The following SETD5 variants were observed in gnomAD, a reference collection of about 807,000 sequenced individuals.
The protein encoded by SETD5 is histone-lysine N-methyltransferase SETD5.
SETD5 carries 44 observed loss-of-function variants against 153.3 expected under a neutral mutation model. The observed-to-expected ratio is 0.29, with a 90% CI of 0.23 to 0.37. The LOEUF is 0.37. SETD5 is among the 10% of genes least tolerant of loss of function. SETD5 has a pLI of 1.00. For missense variants in SETD5, 1,544 were observed against 1,768.0 expected, an observed-to-expected ratio of 0.87 and a Z score of 2.27; for synonymous variants, 716 against 645.2, an observed-to-expected ratio of 1.11 and a Z score of -1.66.
At chr3:9,419,132 A>T (rs1186185411) in intron 1 of SETD5, among the ~76,000 whole-genome samples, 4 of 152,176 alleles carry the variant, frequency 2.6e-5, no homozygotes, top group Non-Finnish European at 5.9e-5. Flanking sequence ...CGGCCCACTT[A>T]CAGGATTTTT....
intron 2 of SETD5, among the ~76,000 whole-genome samples, chr3:9,424,968 G>T (rs548076176): frequency 6.7e-6 from 1 of 149,754 alleles, no homozygotes; most frequent in East Asian, 2.0e-4. Flanking sequence ...GCTTTCATCA[G>T]AAGAATGAAA....
chr3:9,456,504 T>G (rs931599937), intron 17 of SETD5, among the ~76,000 whole-genome samples: 1 of 150,492 alleles, frequency 6.6e-6, no homozygotes, highest in African/African-American at 2.5e-5. Context: ...AAAACAAGTC[T>G]CTGAGCCTCA....
intron 20 of SETD5, among the ~76,000 whole-genome samples, chr3:9,473,868 C>A (rs954183925): frequency 3.3e-5 from 5 of 152,192 alleles, no homozygotes; most frequent in Non-Finnish European, 7.3e-5. Flanking sequence ...AAGAATCCAG[C>A]CAAGTTCCAC....
At chr3:9,457,493 T>A (rs561276285) in intron 17 of SETD5, among the ~76,000 whole-genome samples, 93 of 150,890 alleles carry the variant, frequency 6.2e-4, no homozygotes, top group South Asian at 3.7e-3. Flanking sequence ...TCTCAAAAAA[T>A]ATATATATAT....
chr3:9,471,023 A>G lies in SETD5; in HGVS notation c.3195+94A>G, dbSNP rs184732302. ...AAGTTTCTGCTATGTGTTCCGCACT[A>G]CTCTCAGACAAGTGAGACATAGTCT... On this transcript the variant is annotated intron_variant, in intron 19 of 22. Transcript: ENST00000402198. 424 of 663,056 alleles carry G rather than the reference A, an allele frequency of 6.4e-4. 7 individuals are homozygous for G. The African/African-American group carries it at 6.9e-3, about 11-fold the overall frequency. 41.1% of individuals were successfully genotyped at this position (663,056 alleles called of 1,614,324 possible).
chr3:9,455,993 G>T (rs979847176), intron 17 of SETD5, among the ~76,000 whole-genome samples: 1 of 151,932 alleles, frequency 6.6e-6, no homozygotes, highest in Non-Finnish European at 1.5e-5. Flanking sequence ...AGTCAAATGC[G>T]CAAGTTATAT....
intron 16 of SETD5, among the ~76,000 whole-genome samples, chr3:9,450,512 G>A (rs1288725265): frequency 1.3e-5 from 2 of 152,166 alleles, no homozygotes; most frequent in Non-Finnish European, 2.9e-5. Flanking sequence ...GAAATGGAAT[G>A]TTTTAGCTAG....
intron 13 of SETD5, 36 bp downstream of exon 13, chr3:9,445,776 T>G: frequency 6.8e-7 from 1 of 1,472,640 alleles, no homozygotes; most frequent in Non-Finnish European, 9.3e-7. Context: ...CTCCTTCTCA[T>G]TCCTGCTACC....
At chr3:9,398,399 G>A (rs2034097753) in intron 1 of SETD5, 1 of 151,624 alleles carries the variant, frequency 6.6e-6, no homozygotes, top group African/African-American at 2.4e-5. Flanking sequence ...CGTTCTCGCG[G>A]CCTTGTGACA....
chr3:9,467,211 A>T (rs1276418988), intron 18 of SETD5, among the ~76,000 whole-genome samples: 2 of 151,178 alleles, frequency 1.3e-5, no homozygotes, highest in Non-Finnish European at 3.0e-5. Flanking sequence ...AAAAAAAAAA[A>T]AAAAAAAAAA....
intron 17 of SETD5, among the ~76,000 whole-genome samples, chr3:9,456,344 C>G (rs11918316): frequency 6.6e-6 from 1 of 151,928 alleles, no homozygotes; most frequent in East Asian, 2.0e-4. Context: ...GGCCTGGTCA[C>G]GTACCTGTAA....
rs189142421 is a variant in SETD5, at chr3:9,445,460, A to G, written c.1440+160A>G. On this transcript the variant is annotated intron_variant, in intron 12 of 22. Coordinates refer to ENST00000402198, the MANE Select transcript of SETD5 (RefSeq NM_001080517.3). Reference sequence around the variant, plus strand: ...GTTCATACATTTCTTTCTGTTTTACAAAGTCAAAAACATCCTTTGCTGGTT... The same window carrying G: ...GTTCATACATTTCTTTCTGTTTTACGAAGTCAAAAACATCCTTTGCTGGTT... 2,910 of 975,822 alleles carry G rather than the reference A, an allele frequency of 3.0e-3. 10 individuals carry two copies. The highest frequency in any genetic ancestry group is 3.8e-3 in the Non-Finnish European group (2,466 of 655,640). 60.4% of individuals were successfully genotyped at this position (975,822 alleles called of 1,614,324 possible). A position where few individuals can be genotyped will look rare whatever the true frequency, so the allele number is the denominator to read the frequency against.
intron 13 of SETD5, among the ~76,000 whole-genome samples, 168 bp downstream of exon 13, chr3:9,445,908 C>G (rs1021334427): frequency 2.9e-5 from 4 of 138,626 alleles, no homozygotes; most frequent in African/African-American, 1.1e-4. Context: ...ATTTATTTTT[C>G]TCTATACACA....
chr3:9,457,578 T>A (rs551922169), intron 17 of SETD5, among the ~76,000 whole-genome samples: 1 of 150,960 alleles, frequency 6.6e-6, no homozygotes, highest in African/African-American at 2.4e-5. Context: ...AAATATATTT[T>A]AAAAAATCAT....
chr3:9,427,230 A>G (rs527760682), intron 2 of SETD5, among the ~76,000 whole-genome samples: 43 of 152,250 alleles, frequency 2.8e-4, no homozygotes, highest in African/African-American at 1.0e-3. Context: ...AGATTGGAGC[A>G]TCTCAGACCA....
At chr3:9,470,327 A>T in intron 18 of SETD5, 132 bp from the exon 19 acceptor site, 1 of 703,222 alleles carries the variant, frequency 1.4e-6, no homozygotes, top group Non-Finnish European at 2.5e-6. Flanking sequence ...ACAGAATATA[A>T]TGGCTTTATC....
intron 2 of SETD5, among the ~76,000 whole-genome samples, chr3:9,425,051 G>GTTTTT (rs1559380190): frequency 5.0e-4 from 46 of 91,360 alleles, no homozygotes; most frequent in African/African-American, 1.7e-3. Context: ...TACCGACAAT[G>GTTTTT]TTTCTTTTTT....
intron 9 of SETD5, 108 bp downstream of exon 9, chr3:9,441,849 C>A: frequency 2.2e-6 from 3 of 1,367,292 alleles, no homozygotes; most frequent in South Asian, 1.2e-5. Flanking sequence ...AAAAAAATCA[C>A]AACTCAGATA....
Position 9,475,653 on chromosome 3 carries a change from G to T in SETD5, c.3891G>T (p.Thr1297=). The change falls in exon 23 of 23, where the codon ACG becomes ACT. Residue 1297 remains threonine (T), a synonymous_variant. Coordinates refer to ENST00000402198, the MANE Select transcript of SETD5 (RefSeq NM_001080517.3). ...HGSSESSLSS[T]SYSSPAHPVS... ...CTTCAGAATCATCCCTCTCTTCCAC[G>T]TCCTATTCCAGCCCCGCCCACCCTG... 1 of 1,613,796 alleles carries T rather than the reference G, an allele frequency of 6.2e-7. No homozygotes were observed. The highest frequency in any genetic ancestry group is 1.7e-5 in the Admixed American group (1 of 59,998).
Sources: gnomAD v4.1 joint callset for allele counts (sites outside exome capture counted in the v4.1 genomes callset) on GRCh38, gnomAD v4.1.1 for gene constraint, MANE v1.5 for transcripts, NCBI Gene and HGNC (gene_info 2026-07-23, HGNC 2026-07-21) for gene names.